Variants in KCNIP4 observed in about 807,000 individuals in gnomAD.
The protein encoded by KCNIP4 is potassium voltage-gated channel interacting protein 4.
Under a neutral mutation model 34.0 loss-of-function variants are expected in KCNIP4, and 12 were observed. The ratio of observed to expected loss-of-function variants is 0.35; its 90% CI spans 0.23 to 0.57. KCNIP4 has a LOEUF of 0.57. Among genes scored for constraint, KCNIP4 ranks in the 20% least tolerant of loss-of-function variants. The probability of loss-of-function intolerance (pLI) is 0.83; values close to 1 mark genes in which losing one functional copy is unlikely to be tolerated. For synonymous variants in KCNIP4, 124 were observed against 102.2 expected, an observed-to-expected ratio of 1.21 and a Z score of -1.29; for missense variants, 238 against 311.7, an observed-to-expected ratio of 0.76 and a Z score of 1.78.
At chr4:21,379,030 C>T (rs1560346176) in intron 1 of KCNIP4, among the ~76,000 whole-genome samples, 1 of 152,102 alleles carries the variant, frequency 6.6e-6, no homozygotes, top group Non-Finnish European at 1.5e-5. Flanking sequence ...TTGAAATAGA[C>T]ACATATTATC....
Position 21,737,023 on chromosome 4 carries a change from T to TA in KCNIP4, c.61+211547dup, listed in dbSNP as rs1337789547. On this transcript the variant is annotated intron_variant, in intron 1 of 8. Transcript: ENST00000382152. ...CCTAGAACTTAAAGTATAATAATAA[T>TA]AAAAAAAAGAAAGTAAGTTCTAATC... Among the ~76,000 whole-genome samples, 10 of 109,902 alleles carry TA rather than the reference T, an allele frequency of 9.1e-5. No individual in the cohort carries two copies. The Middle Eastern group carries it at 0.013, about 146-fold the overall frequency. 72.1% of individuals were successfully genotyped at this position (109,902 alleles called of 152,430 possible). A position where few individuals can be genotyped will look rare whatever the true frequency, so the allele number is the denominator to read the frequency against.
At chr4:21,614,022 G>C (rs1744393426) in intron 1 of KCNIP4, among the ~76,000 whole-genome samples, 2 of 151,738 alleles carry the variant, frequency 1.3e-5, no homozygotes, top group African/African-American at 4.8e-5. Context: ...GTGGTAGCAT[G>C]CACCTGTAAT....
intron 1 of KCNIP4, among the ~76,000 whole-genome samples, chr4:21,426,416 A>G (rs1217428150): frequency 6.6e-6 from 1 of 152,250 alleles, no homozygotes; most frequent in East Asian, 1.9e-4. Flanking sequence ...CATGTAAATG[A>G]CACCTTAATA....
At chr4:20,734,205 G>A (rs578011123) in intron 6 of KCNIP4, among the ~76,000 whole-genome samples, 19 of 152,226 alleles carry the variant, frequency 1.2e-4, no homozygotes, top group Non-Finnish European at 2.5e-4. Context: ...CTGCCTCAAC[G>A]TGCATTTGGA....
At chr4:21,173,842 G>C (rs1230238608) in intron 1 of KCNIP4, among the ~76,000 whole-genome samples, 1 of 152,170 alleles carries the variant, frequency 6.6e-6, no homozygotes, top group East Asian at 1.9e-4. Context: ...AAAAAGAAAA[G>C]CTTTTATTCT....
Position 21,031,436 on chromosome 4 carries a change from A to G in KCNIP4, c.62-148727T>C, listed in dbSNP as rs187475269. Reference sequence around the variant, plus strand: ...AAAACCTAGTCAATTTCCATTCTTCAGTTGCTTCTATTGTTTGATTGCTAT... The same window carrying G: ...AAAACCTAGTCAATTTCCATTCTTCGGTTGCTTCTATTGTTTGATTGCTAT... On this transcript the variant is annotated intron_variant, in intron 1 of 8. Coordinates refer to ENST00000382152, the MANE Select transcript of KCNIP4 (RefSeq NM_025221.6). 2.6e-3 allele frequency among the ~76,000 whole-genome samples: 402 copies of G among 152,326 alleles called. 8 individuals carry two copies. The highest frequency in any genetic ancestry group is 2.4e-3 in the Non-Finnish European group (160 of 68,032).
chr4:21,076,066 T>A (rs532206311), intron 1 of KCNIP4, among the ~76,000 whole-genome samples: 172 of 152,268 alleles, frequency 1.1e-3, no homozygotes, highest in African/African-American at 4.0e-3. Flanking sequence ...TGGCTACACT[T>A]AACATTTTTT....
At chr4:21,701,769 T>C (rs1712860317) in intron 1 of KCNIP4, among the ~76,000 whole-genome samples, 1 of 152,080 alleles carries the variant, frequency 6.6e-6, no homozygotes, top group African/African-American at 2.4e-5. Context: ...AGGGGCATGA[T>C]CTTGGCTCAC....
chr4:21,053,616 C>T lies in KCNIP4; in HGVS notation c.62-170907G>A, dbSNP rs181026024. The stretch of plus-strand genomic sequence containing the variant: ...GACATGGTCATCTCTGTAGAAAATA[C>T]GAAAGAATTGATAAAAACAACTCCT... On this transcript the variant is annotated intron_variant, in intron 1 of 8. Coordinates refer to ENST00000382152, the MANE Select transcript of KCNIP4 (RefSeq NM_025221.6). Among the ~76,000 whole-genome samples the T allele has an allele frequency of 2.1e-4, 32 of 152,138 alleles. No homozygotes were observed. The South Asian group carries it at 3.7e-3, about 18-fold the overall frequency.
At chr4:21,241,905 CT>C (rs1759842988) in intron 1 of KCNIP4, among the ~76,000 whole-genome samples, 2 of 152,028 alleles carry the variant, frequency 1.3e-5, no homozygotes, top group African/African-American at 4.8e-5. Flanking sequence ...TGGCTCACGC[CT>C]GTAATCCCAG....
At chr4:21,036,786 A>C (rs1287784674) in intron 1 of KCNIP4, among the ~76,000 whole-genome samples, 3 of 152,264 alleles carry the variant, frequency 2.0e-5, no homozygotes, top group Non-Finnish European at 2.9e-5. Flanking sequence ...TTTTAAAATA[A>C]AGAATACTCA....
intron 1 of KCNIP4, among the ~76,000 whole-genome samples, chr4:21,776,376 T>G (rs1428825613): frequency 2.0e-5 from 3 of 152,204 alleles, no homozygotes; most frequent in Non-Finnish European, 4.4e-5. Context: ...TGTTTCTAGT[T>G]GGCCATCTTG....
rs558251586 is a variant in KCNIP4 at position 21,368,289 on chromosome 4, C to A, written c.62-485580G>T. ...TATGACGTTAGTTTGACAATACTGA[C>A]TACACTACACATAAAAATAAAGTTC... On this transcript the variant is annotated intron_variant, in intron 1 of 8. Transcript: ENST00000382152. Among the ~76,000 whole-genome samples, 36 of 146,882 alleles carry A rather than the reference C, an allele frequency of 2.5e-4. 1 individual carries two copies. Among genetic ancestry groups the A allele is most frequent in the Non-Finnish European group, 3.8e-4 (26 of 67,986 alleles).
intron 3 of KCNIP4, among the ~76,000 whole-genome samples, chr4:20,788,742 G>A (rs747239895): frequency 2.0e-5 from 3 of 152,076 alleles, no homozygotes; most frequent in Non-Finnish European, 4.4e-5. Context: ...GTTAAGAAGA[G>A]GAGAAAAACA....
At chr4:21,359,386 G>C (rs1718987643) in intron 1 of KCNIP4, among the ~76,000 whole-genome samples, 1 of 151,932 alleles carries the variant, frequency 6.6e-6, no homozygotes, top group South Asian at 2.1e-4. Flanking sequence ...ATGTGAGCCA[G>C]TTTCTCATTT....
intron 1 of KCNIP4, among the ~76,000 whole-genome samples, chr4:21,069,940 A>C (rs1254065431): frequency 2.0e-5 from 3 of 152,262 alleles, no homozygotes; most frequent in Middle Eastern, 6.8e-3. Context: ...GATAAAAAAT[A>C]TTCTATCACC....
chr4:21,486,618 T>G (rs1192862858), intron 1 of KCNIP4, among the ~76,000 whole-genome samples: 2 of 152,176 alleles, frequency 1.3e-5, no homozygotes, highest in Non-Finnish European at 2.9e-5. Flanking sequence ...GTAATTTTCC[T>G]TCCACTGTGT....
chr4:21,947,555 T>C (rs1332340527), intron 1 of KCNIP4, among the ~76,000 whole-genome samples: 1 of 152,160 alleles, frequency 6.6e-6, no homozygotes, highest in East Asian at 1.9e-4. Context: ...ATTCGAATGA[T>C]TGACTCAAGT....
intron 1 of KCNIP4, among the ~76,000 whole-genome samples, chr4:21,084,642 T>C (rs1194459323): frequency 6.7e-6 from 1 of 150,146 alleles, no homozygotes; most frequent in Non-Finnish European, 1.5e-5. Flanking sequence ...TTGTCAAATA[T>C]TTTTAACAGC....
Sources: gnomAD v4.1 joint callset for allele counts (sites outside exome capture counted in the v4.1 genomes callset) on GRCh38, gnomAD v4.1.1 for gene constraint, MANE v1.5 for transcripts, NCBI Gene and HGNC (gene_info 2026-07-23, HGNC 2026-07-21) for gene names.